The following ERBB4 variants were observed in gnomAD, a reference collection of about 807,000 sequenced individuals.
ERBB4 encodes receptor tyrosine-protein kinase erbB-4.
ERBB4 carries 42 observed loss-of-function variants against 158.0 expected under a neutral mutation model. The observed-to-expected ratio is 0.27, with a 90% CI of 0.21 to 0.34. The LOEUF (loss-of-function observed/expected upper bound fraction) is 0.34. ERBB4 is among the 10% of genes least tolerant of loss of function. The pLI, the probability that ERBB4 is intolerant of heterozygous loss-of-function variation, is 1.00. For synonymous variants in ERBB4, 583 were observed against 558.7 expected (o/e 1.04, Z -0.61); for missense variants, 1,333 against 1,624.1 (o/e 0.82, Z 3.08).
At chr2:211,745,215 T>C (rs961834591) in intron 5 of ERBB4, among the ~76,000 whole-genome samples, 3 of 152,308 alleles carry the variant, frequency 2.0e-5, no homozygotes, top group Non-Finnish European at 1.5e-5. Context: ...GTGTTACAAC[T>C]GTATGGGGTC....
intron 1 of ERBB4, among the ~76,000 whole-genome samples, chr2:212,443,477 C>T (rs2092293171): frequency 6.6e-6 from 1 of 152,194 alleles, no homozygotes; most frequent in Non-Finnish European, 1.5e-5. Context: ...TAAGTTGCTG[C>T]ACTTGGCCCC....
rs1688687209 is a variant in ERBB4 at position 212,463,671 on chromosome 2, A to ATGAT, written c.82+74774_82+74777dup. ...CATTAGTGTTCTTCTACGTGGTAAAATGATACGTTACAATGCCCCAATACT... is the reference window on the plus strand; with the variant it reads ...CATTAGTGTTCTTCTACGTGGTAAAATGATTGATACGTTACAATGCCCCAATACT... On this transcript the variant is annotated intron_variant, in intron 1 of 27. Coordinates refer to ENST00000342788, the MANE Select transcript of ERBB4 (RefSeq NM_005235.3). 2.0e-5 allele frequency among the ~76,000 whole-genome samples: 3 copies of ATGAT among 152,118 alleles called. No homozygotes were observed. The South Asian group carries it at 6.2e-4, about 32-fold the overall frequency.
intron 1 of ERBB4, among the ~76,000 whole-genome samples, chr2:212,471,030 A>C (rs1689092513): frequency 6.6e-6 from 1 of 152,060 alleles, no homozygotes; most frequent in African/African-American, 2.4e-5. Flanking sequence ...GACAAGAATA[A>C]CAACATTCAT....
At position 211,377,071 on chromosome 2, in the gene ERBB4, C is replaced by T. The variant is rs948494501; in HGVS notation, c.*6544G>A. 4.3e-6 allele frequency: 1 copy of T among 232,832 alleles called. No individual in the cohort carries two copies. The highest frequency in any genetic ancestry group is 2.2e-5 in the African/African-American group (1 of 45,248). 14.4% of individuals were successfully genotyped at this position (232,832 alleles called of 1,614,324 possible). On this transcript the variant is annotated 3_prime_UTR_variant, in exon 28 of 28. Coordinates refer to ENST00000342788, the MANE Select transcript of ERBB4 (RefSeq NM_005235.3). ...TTTCGTAGTTGATTACTGGAGTAAT[C>T]CCAAAAGGGTTCTTGGAGTGCTATG... is the stretch of plus-strand genomic sequence containing the variant.
intron 1 of ERBB4, among the ~76,000 whole-genome samples, chr2:212,388,601 G>A (rs2090756052): frequency 6.6e-6 from 1 of 152,050 alleles, no homozygotes; most frequent in South Asian, 2.1e-4. Context: ...GGATGGACTG[G>A]AATGGACAAA....
intron 1 of ERBB4, among the ~76,000 whole-genome samples, chr2:212,203,337 T>A (rs1427598114): frequency 1.3e-5 from 2 of 151,952 alleles, no homozygotes; most frequent in Non-Finnish European, 2.9e-5. Context: ...CAAAAGAAGT[T>A]CCTAAGGCAG....
intron 1 of ERBB4, among the ~76,000 whole-genome samples, chr2:212,473,178 A>G (rs1349091031): frequency 6.6e-6 from 1 of 151,962 alleles, no homozygotes; most frequent in African/African-American, 2.4e-5. Flanking sequence ...TTGCTAATTA[A>G]TTTTGAATAT....
chr2:212,043,559 C>T (rs1036188231), intron 2 of ERBB4, among the ~76,000 whole-genome samples: 17 of 149,890 alleles, frequency 1.1e-4, no homozygotes, highest in Admixed American at 8.6e-4. Context: ...ATGTGACACT[C>T]TCACTTCAAA....
intron 1 of ERBB4, among the ~76,000 whole-genome samples, chr2:212,294,745 A>G (rs2086347145): frequency 6.6e-6 from 1 of 152,118 alleles, no homozygotes; most frequent in African/African-American, 2.4e-5. Flanking sequence ...AAATATGATA[A>G]TTAAAAAGTA....
chr2:212,410,281 A>G (rs772868071), intron 1 of ERBB4, among the ~76,000 whole-genome samples: 1 of 147,356 alleles, frequency 6.8e-6, no homozygotes, highest in Non-Finnish European at 1.5e-5. Context: ...AGAGTAAAGA[A>G]CAATAGTAAA....
chr2:211,684,949 A>G (rs1177013274), intron 12 of ERBB4, among the ~76,000 whole-genome samples: 1 of 152,212 alleles, frequency 6.6e-6, no homozygotes, highest in Non-Finnish European at 1.5e-5. Context: ...CCCTGCAATC[A>G]TTAAACTGTT....
At chr2:212,357,829 T>TG (rs1194911164) in intron 1 of ERBB4, among the ~76,000 whole-genome samples, 1 of 151,824 alleles carries the variant, frequency 6.6e-6, no homozygotes, top group Non-Finnish European at 1.5e-5. Flanking sequence ...CAGTGTGGTG[T>TG]GGGGGGACAA....
chr2:212,307,853 C>G (rs1276411456), intron 1 of ERBB4, among the ~76,000 whole-genome samples: 1 of 150,870 alleles, frequency 6.6e-6, no homozygotes, highest in Non-Finnish European at 1.5e-5. Context: ...GGCCACCACA[C>G]TTTATTTCAA....
intron 1 of ERBB4, among the ~76,000 whole-genome samples, chr2:212,274,517 G>A (rs1350137150): frequency 6.6e-6 from 1 of 151,722 alleles, no homozygotes; most frequent in Admixed American, 6.6e-5. Flanking sequence ...ACTAGCGGAG[G>A]CTAGAAAATT....
chr2:211,714,235 G>A (rs1575035071), intron 7 of ERBB4, among the ~76,000 whole-genome samples: 1 of 152,192 alleles, frequency 6.6e-6, no homozygotes, highest in Non-Finnish European at 1.5e-5. Context: ...TGGATTAAAT[G>A]TCTAGCAGTC....
intron 19 of ERBB4, among the ~76,000 whole-genome samples, chr2:211,603,494 A>G (rs1312310952): frequency 6.6e-6 from 1 of 152,226 alleles, no homozygotes; most frequent in Non-Finnish European, 1.5e-5. Flanking sequence ...AAGAAAAAAT[A>G]TATACATAAG....
intron 20 of ERBB4, among the ~76,000 whole-genome samples, chr2:211,538,649 C>T (rs1040601541): frequency 2.6e-5 from 4 of 151,706 alleles, no homozygotes; most frequent in African/African-American, 9.7e-5. Context: ...TCCCGTAATC[C>T]TTTTATTCTG....
chr2:212,041,579 A>T (rs531270674), intron 2 of ERBB4, among the ~76,000 whole-genome samples: 2 of 151,822 alleles, frequency 1.3e-5, no homozygotes, highest in South Asian at 4.2e-4. Flanking sequence ...AGCAATATGG[A>T]TCATATTACA....
chr2:212,414,794 A>G (rs2091605206), intron 1 of ERBB4, among the ~76,000 whole-genome samples: 1 of 152,200 alleles, frequency 6.6e-6, no homozygotes. Context: ...GAAGCTGGCT[A>G]AAGACATGGA....
Sources: gnomAD v4.1 joint callset for allele counts (sites outside exome capture counted in the v4.1 genomes callset) on GRCh38, gnomAD v4.1.1 for gene constraint, MANE v1.5 for transcripts, NCBI Gene and HGNC (gene_info 2026-07-23, HGNC 2026-07-21) for gene names.